TMEM131: variants seen among roughly 807,000 people sequenced by gnomAD.
The protein encoded by TMEM131 is transmembrane protein 131.
TMEM131 carries 66 observed loss-of-function variants against 211.6 expected under a neutral mutation model. The ratio of observed to expected loss-of-function variants is 0.31; its 90% CI spans 0.26 to 0.38. TMEM131 has a LOEUF of 0.38. TMEM131 is among the 10% of genes least tolerant of loss of function. TMEM131 has a pLI of 1.00. For synonymous variants in TMEM131, 844 were observed against 841.3 expected, an observed-to-expected ratio of 1.00 and a Z score of -0.06; for missense variants, 2,036 against 2,299.3, an observed-to-expected ratio of 0.89 and a Z score of 2.34.
At chr2:97,824,972 C>G (rs1451354693) in intron 11 of TMEM131, among the ~76,000 whole-genome samples, 2 of 152,194 alleles carry the variant, frequency 1.3e-5, no homozygotes, top group Non-Finnish European at 2.9e-5. Context: ...CCCCTATACC[C>G]TGCTCTCTCA....
At chr2:97,807,204 T>C (rs1559371728) in intron 19 of TMEM131, among the ~76,000 whole-genome samples, 1 of 152,218 alleles carries the variant, frequency 6.6e-6, no homozygotes, top group East Asian at 1.9e-4. Context: ...AAGTATCTGG[T>C]CCTGTAAGCC....
chr2:97,907,345 A>T (rs1311994938), intron 3 of TMEM131: 1 of 152,204 alleles, frequency 6.6e-6, no homozygotes, highest in Non-Finnish European at 1.5e-5. Context: ...GAGTAAAAAG[A>T]GAAAAAATAG....
chr2:97,805,717 G>A lies in TMEM131; in HGVS notation c.2056-14C>T. On this transcript the variant is annotated splice_polypyrimidine_tract_variant and intron_variant, in intron 19 of 40. Transcript: ENST00000186436. ...AACTATTTTCCCCTGAAGGAAGAAA[G>A]CAAAGAACAAACTCATTTGTATATG... 1.9e-6 allele frequency: 3 copies of A among 1,576,958 alleles called. No individual in the cohort carries two copies. Among genetic ancestry groups the A allele is most frequent in the Non-Finnish European group, 1.7e-6 (2 of 1,159,610 alleles).
chr2:97,898,263 A>G (rs1425636245), intron 3 of TMEM131, among the ~76,000 whole-genome samples: 3 of 152,148 alleles, frequency 2.0e-5, no homozygotes, highest in African/African-American at 4.8e-5. Context: ...TATCTGATAT[A>G]AACTTTTAAA....
chr2:97,974,763 C>G (rs899454579), intron 1 of TMEM131, among the ~76,000 whole-genome samples: 2 of 150,678 alleles, frequency 1.3e-5, no homozygotes, highest in Non-Finnish European at 3.0e-5. Flanking sequence ...ATAAAAGTAT[C>G]TGAGAACAAA....
chr2:97,937,479 A>C (rs1024498740), intron 1 of TMEM131, among the ~76,000 whole-genome samples: 2 of 152,186 alleles, frequency 1.3e-5, no homozygotes, highest in Non-Finnish European at 2.9e-5. Flanking sequence ...GGCATGAAGA[A>C]TATTTGAAGA....
chr2:97,884,780 T>C (rs1399842422), intron 4 of TMEM131, among the ~76,000 whole-genome samples: 1 of 152,260 alleles, frequency 6.6e-6, no homozygotes, highest in Non-Finnish European at 1.5e-5. Flanking sequence ...TATCTTTTTC[T>C]TTCCCTTCAC....
chr2:97,908,750 TA>T, intron 2 of TMEM131, 52 bp from the exon 3 acceptor site: 3 of 1,446,472 alleles, frequency 2.1e-6, no homozygotes, highest in Non-Finnish European at 2.9e-6. Flanking sequence ...ATATTTATAT[TA>T]CAGACATATG....
intron 1 of TMEM131, among the ~76,000 whole-genome samples, chr2:97,981,989 A>C (rs1679818502): frequency 6.6e-6 from 1 of 152,152 alleles, no homozygotes; most frequent in African/African-American, 2.4e-5. Flanking sequence ...TGCTGCTATG[A>C]ATGTTCCTGC....
chr2:97,881,551 A>G (rs1365364335), intron 4 of TMEM131, among the ~76,000 whole-genome samples: 1 of 151,756 alleles, frequency 6.6e-6, no homozygotes, highest in Non-Finnish European at 1.5e-5. Context: ...CCCCAGAAAC[A>G]CCTCAGTTGA....
chr2:97,781,206 G>C (rs767660294), intron 31 of TMEM131, among the ~76,000 whole-genome samples: 7 of 152,156 alleles, frequency 4.6e-5, no homozygotes, highest in Non-Finnish European at 8.8e-5. Flanking sequence ...AGGCCTTACT[G>C]ATCTCTCCAG....
At chr2:97,975,736 TA>T (rs1679501163) in intron 1 of TMEM131, among the ~76,000 whole-genome samples, 1 of 145,034 alleles carries the variant, frequency 6.9e-6, no homozygotes, top group African/African-American at 2.6e-5. Flanking sequence ...TCCAAAAAAT[TA>T]AAAAGGAAAA....
At chr2:97,846,778 C>T (rs1683458623) in intron 5 of TMEM131, among the ~76,000 whole-genome samples, 1 of 152,176 alleles carries the variant, frequency 6.6e-6, no homozygotes, top group Non-Finnish European at 1.5e-5. Context: ...ACACTCCTGC[C>T]CTAGGAGCTA....
chr2:97,992,362 A>C (rs1210631570), intron 1 of TMEM131, among the ~76,000 whole-genome samples: 1 of 152,232 alleles, frequency 6.6e-6, no homozygotes, highest in African/African-American at 2.4e-5. Context: ...TATGTCACAA[A>C]TACAGCTTAA....
At chr2:97,817,871 T>G (rs1681909445) in intron 12 of TMEM131, among the ~76,000 whole-genome samples, 1 of 152,198 alleles carries the variant, frequency 6.6e-6, no homozygotes. Context: ...AAAGCCAAAG[T>G]TTAAGCTTAA....
At chr2:97,879,851 AG>A (rs148989162) in intron 4 of TMEM131, among the ~76,000 whole-genome samples, 7,626 of 152,312 alleles carry the variant, frequency 0.05, 291 homozygotes, top group Middle Eastern at 0.092. Context: ...GGTCAAAAGT[AG>A]GCTATTAGTA....
intron 3 of TMEM131, among the ~76,000 whole-genome samples, chr2:97,893,650 G>T (rs1290925088): frequency 1.3e-5 from 2 of 152,170 alleles, no homozygotes; most frequent in African/African-American, 4.8e-5. Context: ...CAGTGATGAT[G>T]AGCTTTTTTA....
At chr2:97,847,073 G>GGC (rs1683479280) in intron 5 of TMEM131, among the ~76,000 whole-genome samples, 1 of 30,048 alleles carries the variant, frequency 3.3e-5, no homozygotes, top group Non-Finnish European at 8.2e-5. Flanking sequence ...CAGCTACTGG[G>GGC]GGGGGGGGGG....
intron 28 of TMEM131, among the ~76,000 whole-genome samples, 196 bp from the exon 29 acceptor site, chr2:97,795,311 T>C (rs1240444050): frequency 6.6e-6 from 1 of 152,212 alleles, no homozygotes; most frequent in African/African-American, 2.4e-5. Context: ...CTGTGAATAA[T>C]TAGAGAAATT....
Sources: gnomAD v4.1 joint callset for allele counts (sites outside exome capture counted in the v4.1 genomes callset) on GRCh38, gnomAD v4.1.1 for gene constraint, MANE v1.5 for transcripts, NCBI Gene and HGNC (gene_info 2026-07-23, HGNC 2026-07-21) for gene names.